Variants in L2HGDH observed in about 807,000 individuals in gnomAD.
The protein encoded by L2HGDH is L-2-hydroxyglutarate dehydrogenase.
In L2HGDH, 34 loss-of-function variants were observed where a neutral mutation model predicts 51.5. That is an observed-to-expected ratio of 0.66 (90% CI 0.50 to 0.88). L2HGDH has a LOEUF of 0.88. L2HGDH is among the 40% of genes least tolerant of loss of function. L2HGDH has a pLI of 0.00. For missense variants in L2HGDH, 558 were observed against 571.9 expected (o/e 0.98, Z 0.25); for synonymous variants, 198 against 197.9 (o/e 1.00, Z -0.01).
chr14:50,298,596 G>A (rs896721533), intron 3 of L2HGDH, among the ~76,000 whole-genome samples: 1 of 152,144 alleles, frequency 6.6e-6, no homozygotes, highest in African/African-American at 2.4e-5. Context: ...TTAGGGGTGC[G>A]AGCCACCATG....
chr14:50,249,882 C>CTTTTT lies in L2HGDH; in HGVS notation c.1197-2634_1197-2630dup, dbSNP rs747924080. On this transcript the variant is annotated intron_variant, in intron 9 of 9. Transcript: ENST00000267436. Reference sequence around the variant, plus strand: ...GGTCCCCAAGTCAAGGCTTACACTCCTTTTTTTTTTTTTTTTTTTTTTTTT... The same window carrying CTTTTT: ...GGTCCCCAAGTCAAGGCTTACACTCCTTTTTTTTTTTTTTTTTTTTTTTTTTTTTT... 7.3e-4 allele frequency among the ~76,000 whole-genome samples: 50 copies of CTTTTT among 68,956 alleles called. 2 individuals carry two copies. Among genetic ancestry groups the CTTTTT allele is most frequent in the South Asian group, 2.2e-3 (3 of 1,334 alleles). 45.2% of individuals were successfully genotyped at this position (68,956 alleles called of 152,430 possible). A position where few individuals can be genotyped will look rare whatever the true frequency, so the allele number is the denominator to read the frequency against.
chr14:50,303,503 G>A (rs2030544188), intron 1 of L2HGDH, among the ~76,000 whole-genome samples: 1 of 150,836 alleles, frequency 6.6e-6, no homozygotes, highest in East Asian at 2.0e-4. Context: ...AAGCCTGGGT[G>A]TGATGGCTCA....
chr14:50,288,825 C>G lies in L2HGDH; in HGVS notation c.541-4792G>C, dbSNP rs144162203. Among the ~76,000 whole-genome samples, 164 of 152,300 alleles carry G rather than the reference C, an allele frequency of 1.1e-3. 1 individual carries two copies. Among genetic ancestry groups the G allele is most frequent in the African/African-American group, 3.8e-3 (158 of 41,568 alleles). ...CTTCAACCCTTTTCTGTCTATAAAG[C>G]CAACCTCCTCTGGTCAGCTCATCAG... On this transcript the variant is annotated intron_variant, in intron 4 of 9. Transcript: ENST00000267436.
chr14:50,292,473 G>A (rs1035466545), intron 4 of L2HGDH, among the ~76,000 whole-genome samples: 6 of 152,180 alleles, frequency 3.9e-5, no homozygotes, highest in African/African-American at 9.7e-5. Context: ...TTGGGAGGCC[G>A]AGGCTGGAGG....
At chr14:50,250,785 G>T (rs1014737598) in intron 9 of L2HGDH, among the ~76,000 whole-genome samples, 1 of 152,200 alleles carries the variant, frequency 6.6e-6, no homozygotes, top group African/African-American at 2.4e-5. Flanking sequence ...AATTCTTCTG[G>T]ATCTTATCCA....
intron 6 of L2HGDH, among the ~76,000 whole-genome samples, chr14:50,277,602 C>T (rs1370807624): frequency 6.6e-6 from 1 of 151,446 alleles, no homozygotes; most frequent in Non-Finnish European, 1.5e-5. Context: ...GGTGAAACCC[C>T]GTCTCTACTA....
At chr14:50,281,467 T>C (rs904616679) in intron 5 of L2HGDH, among the ~76,000 whole-genome samples, 1 of 151,810 alleles carries the variant, frequency 6.6e-6, no homozygotes, top group Non-Finnish European at 1.5e-5. Context: ...TGGCACATGT[T>C]TGTAATCCCA....
At chr14:50,270,434 T>C (rs979669962) in intron 6 of L2HGDH, among the ~76,000 whole-genome samples, 1 of 152,214 alleles carries the variant, frequency 6.6e-6, no homozygotes, top group African/African-American at 2.4e-5. Flanking sequence ...TGACCTATTT[T>C]TGAAGCCTCA....
rs142335906 is a variant in L2HGDH, at chr14:50,305,816, T to C, written c.141-2799A>G. On this transcript the variant is annotated intron_variant, in intron 1 of 9. Transcript: ENST00000267436. ...GAAATCCACGTATGTTCAAGTCTTGTATACGAAATGGCACAGTATTTGCAT... is the reference window on the plus strand; with the variant it reads ...GAAATCCACGTATGTTCAAGTCTTGCATACGAAATGGCACAGTATTTGCAT... Among the ~76,000 whole-genome samples the C allele has an allele frequency of 3.4e-4, 52 of 152,340 alleles. No homozygotes were observed. In the East Asian group the frequency reaches 9.6e-3, roughly 28 times the overall value.
chr14:50,297,624 C>T (rs2030140858), intron 3 of L2HGDH, among the ~76,000 whole-genome samples: 1 of 152,172 alleles, frequency 6.6e-6, no homozygotes, highest in Non-Finnish European at 1.5e-5. Context: ...ATATTCTTCT[C>T]CCCAGCACAT....
At chr14:50,278,354 C>A (rs1467960647) in intron 6 of L2HGDH, among the ~76,000 whole-genome samples, 166 bp downstream of exon 6, 1 of 152,092 alleles carries the variant, frequency 6.6e-6, no homozygotes, top group Non-Finnish European at 1.5e-5. Context: ...CAAGTTGAAA[C>A]CCTCCTTAGA....
At chr14:50,251,131 G>A (rs1888324479) in intron 9 of L2HGDH, among the ~76,000 whole-genome samples, 1 of 152,084 alleles carries the variant, frequency 6.6e-6, no homozygotes, top group Non-Finnish European at 1.5e-5. Flanking sequence ...AGACAACACA[G>A]AAAGAATTCA....
chr14:50,305,200 T>C (rs992579267), intron 1 of L2HGDH, among the ~76,000 whole-genome samples: 5 of 152,234 alleles, frequency 3.3e-5, no homozygotes, highest in African/African-American at 1.2e-4. Flanking sequence ...ATAAGCCTTA[T>C]ACTTGAACAG....
chr14:50,257,478 T>TCC (rs1168846172), intron 9 of L2HGDH, among the ~76,000 whole-genome samples: 1 of 151,764 alleles, frequency 6.6e-6, no homozygotes, highest in Non-Finnish European at 1.5e-5. Flanking sequence ...CAAGCCATCC[T>TCC]CCCTCCTCGG....
chr14:50,256,070 T>A (rs1398009131), intron 9 of L2HGDH, among the ~76,000 whole-genome samples: 1 of 152,118 alleles, frequency 6.6e-6, no homozygotes, highest in Non-Finnish European at 1.5e-5. Flanking sequence ...CATACATTCA[T>A]GAGAAGTCTT....
At chr14:50,273,896 T>C (rs984853230) in intron 6 of L2HGDH, among the ~76,000 whole-genome samples, 1 of 151,966 alleles carries the variant, frequency 6.6e-6, no homozygotes, top group Non-Finnish European at 1.5e-5. Context: ...CCGACCAACA[T>C]GTAGAAACCC....
At chr14:50,261,115 TA>T (rs550735275) in intron 9 of L2HGDH, among the ~76,000 whole-genome samples, 471 of 142,126 alleles carry the variant, frequency 3.3e-3, no homozygotes, top group South Asian at 0.024. Flanking sequence ...AGACTCCGTC[TA>T]AAAAAAAAAA....
At chr14:50,259,373 T>TG (rs1888871942) in intron 9 of L2HGDH, among the ~76,000 whole-genome samples, 1 of 148,084 alleles carries the variant, frequency 6.8e-6, no homozygotes, top group Non-Finnish European at 1.5e-5. Flanking sequence ...TCGGTTTTTT[T>TG]TTTTTTTTTT....
chr14:50,307,596 A>G (rs546332667), intron 1 of L2HGDH, among the ~76,000 whole-genome samples: 3 of 152,346 alleles, frequency 2.0e-5, no homozygotes, highest in African/African-American at 7.2e-5. Context: ...GTTCATACCT[A>G]CACAAAGTTA....
Sources: allele counts gnomAD v4.1 joint callset (sites outside exome capture counted in the v4.1 genomes callset), GRCh38; gene constraint gnomAD v4.1.1; transcripts MANE v1.5; gene names NCBI Gene and HGNC (gene_info 2026-07-23, HGNC 2026-07-21).